The following HIPK3 variants were observed in gnomAD, a reference collection of about 807,000 sequenced individuals.
HIPK3 encodes the protein homeodomain interacting protein kinase 3, also known as homeodomain-interacting protein kinase 3.
Under a neutral mutation model 124.2 loss-of-function variants are expected in HIPK3, and 47 were observed. That is an observed-to-expected ratio of 0.38 (90% CI 0.30 to 0.48). HIPK3 has a LOEUF of 0.48. HIPK3 is among the 20% of genes least tolerant of loss of function. HIPK3 has a pLI of 0.98. For synonymous variants in HIPK3, 482 were observed against 515.2 expected, an observed-to-expected ratio of 0.94 and a Z score of 0.87; for missense variants, 1,286 against 1,454.3, an observed-to-expected ratio of 0.88 and a Z score of 1.88.
chr11:33,341,665 A>T lies in HIPK3; in HGVS notation c.1876A>T (p.Ile626Phe). Residue 626 changes from isoleucine to phenylalanine, a missense_variant, in exon 8 of 17, where the codon ATC becomes TTC. This residue lies in a region of HIPK3 where 810 missense variants were observed against 864.9 expected (regional missense o/e 0.94). Coordinates refer to ENST00000303296, the MANE Select transcript of HIPK3 (RefSeq NM_005734.5). Reference protein sequence around the residue: ...CGDAFQQTLIICPPAIQGIPA... With the variant: ...CGDAFQQTLIFCPPAIQGIPA... The stretch of plus-strand genomic sequence containing the variant: ...TGATGCTTTTCAGCAGACATTGATT[A>T]TCTGTCCCCCAGCTATTCAAGGTAT... 3.1e-6 allele frequency: 5 copies of T among 1,613,266 alleles called. No individual in the cohort carries two copies. The highest frequency in any genetic ancestry group is 4.2e-6 in the Non-Finnish European group (5 of 1,179,528).
intron 2 of HIPK3, 34 bp downstream of exon 2, chr11:33,287,545 T>G (rs1481166270): frequency 6.4e-7 from 1 of 1,570,232 alleles, no homozygotes; most frequent in East Asian, 2.3e-5. Flanking sequence ...TGGTTGTTTA[T>G]TAATGTGAAA....
chr11:33,297,091 ATTTTT>A (rs34751907), intron 2 of HIPK3, among the ~76,000 whole-genome samples: 3 of 136,482 alleles, frequency 2.2e-5, no homozygotes, highest in Non-Finnish European at 3.1e-5. Flanking sequence ...TATGGAAAAG[ATTTTT>A]TTTTTTTTTT....
chr11:33,288,576 TCTTG>T (rs1240767612), intron 2 of HIPK3, among the ~76,000 whole-genome samples: 2 of 152,224 alleles, frequency 1.3e-5, no homozygotes, highest in Non-Finnish European at 2.9e-5. Flanking sequence ...GCTATTTTGG[TCTTG>T]CTTCTTGGGG....
chr11:33,261,102 A>G (rs1038900268), intron 1 of HIPK3, among the ~76,000 whole-genome samples: 52 of 143,916 alleles, frequency 3.6e-4, no homozygotes, highest in Admixed American at 2.4e-3. Context: ...GATTATATGT[A>G]TATATATATA....
rs552021069 is a variant in HIPK3, at chr11:33,335,950, C to T, written c.1222-1125C>T. The stretch of plus-strand genomic sequence containing the variant: ...TCAATATTTCAGGGCCTACTGTGTA[C>T]CATGCACTTTCATGGGCTCTGGGGG... On this transcript the variant is annotated intron_variant, in intron 3 of 16. Transcript: ENST00000303296. Among the ~76,000 whole-genome samples, 4 of 152,238 alleles carry T rather than the reference C, an allele frequency of 2.6e-5. No homozygotes were observed. The East Asian group carries it at 7.7e-4, about 29-fold the overall frequency.
chr11:33,323,240 T>G (rs1307010009), intron 2 of HIPK3, among the ~76,000 whole-genome samples: 1 of 152,120 alleles, frequency 6.6e-6, no homozygotes, highest in Admixed American at 6.6e-5. Context: ...GGATTCCATT[T>G]ATTTATTTAT....
chr11:33,316,330 G>A (rs1040561657), intron 2 of HIPK3, among the ~76,000 whole-genome samples: 2 of 152,196 alleles, frequency 1.3e-5, no homozygotes, highest in African/African-American at 4.8e-5. Flanking sequence ...TTGTGGAAAT[G>A]CTGTTCTGTA....
chr11:33,300,751 T>G (rs1384410628), intron 2 of HIPK3, among the ~76,000 whole-genome samples: 1 of 152,152 alleles, frequency 6.6e-6, no homozygotes, highest in Non-Finnish European at 1.5e-5. Context: ...TTTGTTTTGT[T>G]TTTTTGAGAG....
intron 1 of HIPK3, among the ~76,000 whole-genome samples, chr11:33,270,337 C>A (rs768692800): frequency 6.6e-6 from 1 of 151,430 alleles, no homozygotes; most frequent in Non-Finnish European, 1.5e-5. Flanking sequence ...TTTTTTGAGA[C>A]GGAGTCTGTC....
At chr11:33,321,569 G>A (rs1460710012) in intron 2 of HIPK3, among the ~76,000 whole-genome samples, 1 of 152,178 alleles carries the variant, frequency 6.6e-6, no homozygotes, top group Non-Finnish European at 1.5e-5. Context: ...AAGTGGTCTA[G>A]TAGATGTGGT....
intron 1 of HIPK3, among the ~76,000 whole-genome samples, chr11:33,262,496 T>C (rs751662885): frequency 8.5e-5 from 13 of 152,258 alleles, no homozygotes; most frequent in Non-Finnish European, 1.5e-4. Context: ...ACCACTGTTA[T>C]GCCAGGGACC....
chr11:33,323,630 A>G (rs171960), intron 2 of HIPK3, among the ~76,000 whole-genome samples: 3,668 of 152,344 alleles, frequency 0.024, 71 homozygotes, highest in African/African-American at 0.051. Flanking sequence ...GAGAAGTTTG[A>G]GGAAGTGGGG....
chr11:33,278,851 GAA>G (rs35666212), intron 1 of HIPK3, among the ~76,000 whole-genome samples: 1 of 146,086 alleles, frequency 6.8e-6, no homozygotes. Flanking sequence ...CTCAAAAAAG[GAA>G]AAAAAAAATG....
intron 3 of HIPK3, among the ~76,000 whole-genome samples, chr11:33,331,780 A>G (rs1705145995): frequency 6.6e-6 from 1 of 152,236 alleles, no homozygotes; most frequent in South Asian, 2.1e-4. Context: ...TTTATGTACT[A>G]GGAACTGCTG....
chr11:33,286,678 T>C lies in HIPK3; in HGVS notation c.264T>C (p.Thr88=), dbSNP rs1851563435. The change falls in exon 2 of 17, where the codon ACT becomes ACC. Residue 88 remains threonine, a synonymous_variant. Transcript: ENST00000303296. ...LQTSAVVLKN[T]AGATKVIAAQ... ...CAAGTGCTGTTGTTTTGAAAAACACTGCAGGTGCTACAAAGGTCATAGCAG... is the reference window on the plus strand; with the variant it reads ...CAAGTGCTGTTGTTTTGAAAAACACCGCAGGTGCTACAAAGGTCATAGCAG... 3 of 1,614,164 alleles carry C rather than the reference T, an allele frequency of 1.9e-6. No individual in the cohort carries two copies. The highest frequency in any genetic ancestry group is 3.3e-5 in the Admixed American group (2 of 60,022).
intron 1 of HIPK3, among the ~76,000 whole-genome samples, chr11:33,280,078 AAATTATT>A (rs770001346): frequency 1.4e-4 from 22 of 152,316 alleles, no homozygotes; most frequent in Non-Finnish European, 3.1e-4. Context: ...AAAGAACCTG[AAATTATT>A]AATTCTAAGG....
At chr11:33,315,705 A>G (rs1481873885) in intron 2 of HIPK3, among the ~76,000 whole-genome samples, 1 of 152,242 alleles carries the variant, frequency 6.6e-6, no homozygotes, top group Non-Finnish European at 1.5e-5. Flanking sequence ...GATCAGTCAT[A>G]GAAATGCAAA....
Position 33,339,440 on chromosome 11 carries a change from C to T in HIPK3, c.1519C>T (p.Leu507=). 6.2e-7 allele frequency: 1 copy of T among 1,612,768 alleles called. No homozygotes were observed. The highest frequency in any genetic ancestry group is 8.5e-7 in the Non-Finnish European group (1 of 1,178,902). ...EFVSLLKKML[L]IDADLRITPA... ...TGTTAGTCTGTTGAAGAAAATGTTG[C>T]TGATTGATGCAGATTTAAGAATTAC... is the stretch of plus-strand genomic sequence containing the variant. Residue 507 remains leucine (L), a synonymous_variant, in exon 6 of 17, where the codon CTG becomes TTG. Coordinates refer to ENST00000303296, the MANE Select transcript of HIPK3 (RefSeq NM_005734.5).
Position 33,353,820 on chromosome 11 carries a change from T to C in HIPK3, c.*252T>C. The C allele has an allele frequency of 2.3e-6, 1 of 426,516 alleles. No individual in the cohort carries two copies. Among genetic ancestry groups the C allele is most frequent in the South Asian group, 2.4e-5 (1 of 40,838 alleles). 26.4% of individuals were successfully genotyped at this position (426,516 alleles called of 1,614,324 possible). A position where few individuals can be genotyped will look rare whatever the true frequency, so the allele number is the denominator to read the frequency against. On this transcript the variant is annotated 3_prime_UTR_variant, in exon 17 of 17. Coordinates refer to ENST00000303296, the MANE Select transcript of HIPK3 (RefSeq NM_005734.5). Reference sequence around the variant, plus strand: ...ACTTATGGGAGCAGAAGTCCAGTTTTGCTCCTGCTATTTTTTATAAATTGC... The same window carrying C: ...ACTTATGGGAGCAGAAGTCCAGTTTCGCTCCTGCTATTTTTTATAAATTGC...
Sources: gnomAD v4.1 joint callset for allele counts (sites outside exome capture counted in the v4.1 genomes callset) on GRCh38, gnomAD v4.1.1 for gene constraint, gnomAD v4.1.1 regional missense constraint, MANE v1.5 for transcripts, NCBI Gene and HGNC (gene_info 2026-07-23, HGNC 2026-07-21) for gene names.